Variants in PTPRZ1 observed in about 807,000 individuals in gnomAD.
PTPRZ1 encodes the protein protein tyrosine phosphatase receptor type Z1, also known as receptor-type tyrosine-protein phosphatase zeta.
Under a neutral mutation model 214.1 loss-of-function variants are expected in PTPRZ1, and 82 were observed. The ratio of observed to expected loss-of-function variants is 0.38; its 90% CI spans 0.32 to 0.46. The LOEUF is 0.46. Among genes scored for constraint, PTPRZ1 ranks in the 20% least tolerant of loss-of-function variants. The pLI is 1.00. For synonymous variants in PTPRZ1, 945 were observed against 987.9 expected (o/e 0.96, Z 0.81); for missense variants, 2,603 against 2,748.7 (o/e 0.95, Z 1.19).
chr7:121,921,101 C>CA (rs1258266248), intron 1 of PTPRZ1, among the ~76,000 whole-genome samples: 1 of 151,936 alleles, frequency 6.6e-6, no homozygotes, highest in Non-Finnish European at 1.5e-5. Flanking sequence ...TTGAAATAGG[C>CA]ATGCATTATT....
At chr7:121,997,495 C>A (rs1462381850) in intron 9 of PTPRZ1, among the ~76,000 whole-genome samples, 1 of 151,938 alleles carries the variant, frequency 6.6e-6, no homozygotes, top group Non-Finnish European at 1.5e-5. Context: ...TATATATTGT[C>A]AAGAAAAAGA....
chr7:121,987,060 A>T (rs1225861446), intron 8 of PTPRZ1, among the ~76,000 whole-genome samples: 2 of 152,242 alleles, frequency 1.3e-5, no homozygotes, highest in Non-Finnish European at 2.9e-5. Flanking sequence ...TATATTGTAT[A>T]TCCTTAGGAT....
chr7:121,996,689 T>C (rs1011066801), intron 9 of PTPRZ1, 123 bp downstream of exon 9: 11 of 707,462 alleles, frequency 1.6e-5, no homozygotes, highest in Non-Finnish European at 2.3e-5. Flanking sequence ...GAAGGTGGGG[T>C]AGGCTGAGTA....
At chr7:121,875,924 AT>A (rs755073271) in intron 1 of PTPRZ1, among the ~76,000 whole-genome samples, 71 of 152,188 alleles carry the variant, frequency 4.7e-4, no homozygotes, top group Non-Finnish European at 7.8e-4. Flanking sequence ...TGACATATGT[AT>A]TAAGTGCTCA....
intron 1 of PTPRZ1, among the ~76,000 whole-genome samples, chr7:121,889,424 T>C (rs976561737): frequency 3.9e-5 from 6 of 152,188 alleles, no homozygotes; most frequent in African/African-American, 1.2e-4. Context: ...CAGCTGACTG[T>C]CACATCTTTA....
At chr7:121,966,326 C>T (rs1330135961) in intron 2 of PTPRZ1, among the ~76,000 whole-genome samples, 2 of 152,170 alleles carry the variant, frequency 1.3e-5, no homozygotes, top group Non-Finnish European at 2.9e-5. Context: ...AACTATGTAA[C>T]TCTTTCTAAG....
At position 122,011,573 on chromosome 7, in the gene PTPRZ1, C is replaced by T. The variant is rs1798665584; in HGVS notation, c.2527C>T (p.Pro843Ser). Residue 843 changes from proline to serine, a missense_variant, in exon 12 of 30, where the codon CCA (proline) becomes TCA (serine). Around this residue, in one of 6 missense-constraint regions of PTPRZ1, gnomAD observed 1,913 missense variants for 1,914.3 expected, o/e 1.00. Coordinates refer to ENST00000393386, the MANE Select transcript of PTPRZ1 (RefSeq NM_002851.3). ...RHLHTVSQIL[P>S]QVTSATESDK... ...TCTGCATACAGTTTCTCAAATCCTT[C>T]CACAAGTTACTTCAGCTACCGAGAG... 6.2e-7 allele frequency: 1 copy of T among 1,614,104 alleles called. No individual in the cohort carries two copies. The highest frequency in any genetic ancestry group is 2.2e-5 in the East Asian group (1 of 44,884).
chr7:122,004,610 G>A lies in PTPRZ1; in HGVS notation c.1241-4G>A. 7.5e-7 allele frequency: 1 copy of A among 1,341,172 alleles called. No individual in the cohort carries two copies. The highest frequency in any genetic ancestry group is 1.3e-5 in the South Asian group (1 of 76,946). The allele number at this position is 1,341,172 out of a possible 1,614,324, so 83.1% of individuals were successfully genotyped here. A position where few individuals can be genotyped will look rare whatever the true frequency, so the allele number is the denominator to read the frequency against. ...CTTTAATAATTTTGTTTTTAATTTT[G>A]TAGAACTTGATCTTTTCCCTGAATT... On this transcript the variant is annotated splice_polypyrimidine_tract_variant and splice_region_variant and intron_variant, in intron 10 of 29. Coordinates refer to ENST00000393386, the MANE Select transcript of PTPRZ1 (RefSeq NM_002851.3).
intron 4 of PTPRZ1, among the ~76,000 whole-genome samples, chr7:121,974,612 C>T (rs1584700423): frequency 6.6e-6 from 1 of 152,200 alleles, no homozygotes; most frequent in East Asian, 1.9e-4. Flanking sequence ...CTCAGCCTCT[C>T]GAGTTGCTGG....
At chr7:121,988,973 TAGTATC>T (rs1797853117) in intron 8 of PTPRZ1, among the ~76,000 whole-genome samples, 2 of 152,198 alleles carry the variant, frequency 1.3e-5, no homozygotes, top group Admixed American at 6.5e-5. Flanking sequence ...TTTAAAAAGA[TAGTATC>T]AGTATTATGA....
At chr7:121,937,247 G>C (rs950988370) in intron 2 of PTPRZ1, among the ~76,000 whole-genome samples, 2 of 152,164 alleles carry the variant, frequency 1.3e-5, no homozygotes, top group African/African-American at 4.8e-5. Flanking sequence ...CAGAAGAGCC[G>C]TGTTTGATAA....
chr7:121,952,152 G>C (rs561851057), intron 2 of PTPRZ1, among the ~76,000 whole-genome samples: 79 of 152,112 alleles, frequency 5.2e-4, no homozygotes, highest in Middle Eastern at 3.4e-3. Flanking sequence ...TAGAGACAGG[G>C]TTTCACCGTG....
intron 2 of PTPRZ1, among the ~76,000 whole-genome samples, chr7:121,949,255 A>G (rs934396117): frequency 2.6e-5 from 4 of 152,332 alleles, no homozygotes; most frequent in Admixed American, 2.6e-4. Flanking sequence ...ATATGCATTT[A>G]TCTCAGTGAG....
intron 10 of PTPRZ1, among the ~76,000 whole-genome samples, chr7:122,004,404 T>TTGTA (rs1165690358): frequency 2.0e-5 from 3 of 152,070 alleles, no homozygotes; most frequent in African/African-American, 7.2e-5. Context: ...TTGGGTAGAG[T>TTGTA]TACATATAAG....
At chr7:121,921,229 T>C (rs775535957) in intron 1 of PTPRZ1, among the ~76,000 whole-genome samples, 55 of 152,268 alleles carry the variant, frequency 3.6e-4, no homozygotes, top group South Asian at 8.3e-4. Flanking sequence ...ACTAACTACT[T>C]ATCAAGATTA....
At chr7:121,969,704 T>TC (rs1797170785) in intron 3 of PTPRZ1, among the ~76,000 whole-genome samples, 1 of 152,052 alleles carries the variant, frequency 6.6e-6, no homozygotes, top group Non-Finnish European at 1.5e-5. Flanking sequence ...AAGTATATTG[T>TC]CCCAAATCTT....
chr7:122,002,654 C>T (rs1302034751), intron 10 of PTPRZ1, among the ~76,000 whole-genome samples: 1 of 152,114 alleles, frequency 6.6e-6, no homozygotes. Context: ...CTTCCCCAAC[C>T]CTTATTACGA....
At chr7:121,912,141 C>A (rs979029240) in intron 1 of PTPRZ1, among the ~76,000 whole-genome samples, 2 of 152,028 alleles carry the variant, frequency 1.3e-5, no homozygotes, top group African/African-American at 2.4e-5. Context: ...TCAAGAAAGC[C>A]CAGTAAATCC....
intron 8 of PTPRZ1, among the ~76,000 whole-genome samples, chr7:121,990,525 T>G (rs1797922889): frequency 7.0e-6 from 1 of 143,320 alleles, no homozygotes; most frequent in South Asian, 2.4e-4. Context: ...TTTTTTTTTT[T>G]TTTTTTTTTT....
Sources: allele counts gnomAD v4.1 joint callset (sites outside exome capture counted in the v4.1 genomes callset), GRCh38; gene constraint gnomAD v4.1.1; regional missense constraint gnomAD v4.1.1; transcripts MANE v1.5; gene names NCBI Gene and HGNC (gene_info 2026-07-23, HGNC 2026-07-21).